IGF1R: variants seen among roughly 807,000 people sequenced by gnomAD.
IGF1R encodes insulin like growth factor 1 receptor.
Under a neutral mutation model 144.6 loss-of-function variants are expected in IGF1R, and 44 were observed. The ratio of observed to expected loss-of-function variants is 0.30; its 90% CI spans 0.24 to 0.39. The LOEUF is 0.39. IGF1R is among the 10% of genes least tolerant of loss of function. The pLI is 1.00. For synonymous variants in IGF1R, 795 were observed against 722.8 expected (o/e 1.10, Z -1.60); for missense variants, 1,355 against 1,833.7 (o/e 0.74, Z 4.77).
intron 2 of IGF1R, among the ~76,000 whole-genome samples, chr15:98,751,681 G>A (rs576933380): frequency 2.8e-4 from 43 of 152,248 alleles, no homozygotes; most frequent in East Asian, 7.7e-4. Flanking sequence ...TAGGATTTCT[G>A]TGGAAAGGTA....
At chr15:98,892,813 C>G (rs1474531166) in intron 3 of IGF1R, among the ~76,000 whole-genome samples, 2 of 151,720 alleles carry the variant, frequency 1.3e-5, no homozygotes, top group Non-Finnish European at 2.9e-5. Flanking sequence ...GCCATGGGTT[C>G]AAGACCAGCC....
intron 4 of IGF1R, among the ~76,000 whole-genome samples, chr15:98,899,129 C>T (rs1162735605): frequency 1.3e-5 from 2 of 152,230 alleles, no homozygotes; most frequent in Admixed American, 1.3e-4. Context: ...GGGGGCCATA[C>T]TGTCTGTTGA....
intron 1 of IGF1R, among the ~76,000 whole-genome samples, chr15:98,668,633 A>G (rs1359358677): frequency 2.0e-5 from 3 of 152,186 alleles, no homozygotes; most frequent in African/African-American, 7.2e-5. Flanking sequence ...TAAGTTGCTT[A>G]TTTTAAACTC....
At chr15:98,819,551 C>G (rs1406806019) in intron 2 of IGF1R, among the ~76,000 whole-genome samples, 1 of 152,106 alleles carries the variant, frequency 6.6e-6, no homozygotes, top group Non-Finnish European at 1.5e-5. Context: ...TGATCTTGGA[C>G]TTCCCAGACT....
chr15:98,946,034 G>A (rs1043043051), intron 19 of IGF1R, among the ~76,000 whole-genome samples: 13 of 151,890 alleles, frequency 8.6e-5, no homozygotes, highest in South Asian at 2.1e-4. Flanking sequence ...CGATGACGAC[G>A]ATGACAGCGT....
At chr15:98,719,753 T>G (rs2054203701) in intron 2 of IGF1R, among the ~76,000 whole-genome samples, 1 of 152,286 alleles carries the variant, frequency 6.6e-6, no homozygotes, top group Middle Eastern at 3.4e-3. Context: ...CTCCCTGAAC[T>G]TCGTGTTCAG....
chr15:98,811,296 A>G (rs12442776), intron 2 of IGF1R, among the ~76,000 whole-genome samples: 138,174 of 150,396 alleles, frequency 0.92, 63,961 homozygotes, highest in Middle Eastern at 0.98. Flanking sequence ...TGAGACGGGC[A>G]GATCACAAGG....
rs1385351221 is a variant in IGF1R at position 98,957,632 on chromosome 15, T to C, written c.*190T>C. 8 of 677,040 alleles carry C rather than the reference T, an allele frequency of 1.2e-5. No homozygotes were observed. Among genetic ancestry groups the C allele is most frequent in the Middle Eastern group, 4.1e-4 (1 of 2,424 alleles). The allele number at this position is 677,040 out of a possible 1,614,324, so 41.9% of individuals were successfully genotyped here. On this transcript the variant is annotated 3_prime_UTR_variant, in exon 21 of 21. Coordinates refer to ENST00000650285, the MANE Select transcript of IGF1R (RefSeq NM_000875.5). ...ATTTGGGATGTTCCTTTTTTCAATA[T>C]GCAAGCAGCTTTTTATTCCCTGCCC...
chr15:98,750,272 T>C (rs991382879), intron 2 of IGF1R, among the ~76,000 whole-genome samples: 1 of 152,100 alleles, frequency 6.6e-6, no homozygotes, highest in African/African-American at 2.4e-5. Context: ...CTGGGCAGTT[T>C]TGCGCTTCTC....
At chr15:98,726,806 G>T (rs550494646) in intron 2 of IGF1R, among the ~76,000 whole-genome samples, 7 of 140,992 alleles carry the variant, frequency 5.0e-5, no homozygotes, top group African/African-American at 1.9e-4. Context: ...TGCAACTTCC[G>T]CCTCCCGGGT....
At chr15:98,928,723 A>G (rs1490887278) in intron 13 of IGF1R, among the ~76,000 whole-genome samples, 1 of 152,048 alleles carries the variant, frequency 6.6e-6, no homozygotes, top group African/African-American at 2.4e-5. Context: ...TTGTCATGCT[A>G]CCTGTTGACA....
intron 2 of IGF1R, among the ~76,000 whole-genome samples, chr15:98,784,182 C>T (rs2055931127): frequency 6.6e-6 from 1 of 151,796 alleles, no homozygotes; most frequent in African/African-American, 2.4e-5. Flanking sequence ...ACCGTGTTGA[C>T]CAGGCTGGTT....
intron 6 of IGF1R, among the ~76,000 whole-genome samples, chr15:98,909,152 A>C (rs1236684436): frequency 6.6e-6 from 1 of 152,174 alleles, no homozygotes; most frequent in East Asian, 1.9e-4. Context: ...GTAGGTTCTC[A>C]AACTTTAAAG....
intron 2 of IGF1R, among the ~76,000 whole-genome samples, chr15:98,848,244 CAT>C (rs2011410729): frequency 6.6e-6 from 1 of 152,216 alleles, no homozygotes; most frequent in African/African-American, 2.4e-5. Context: ...ATCTTTCAAA[CAT>C]ATGGCTGTGG....
chr15:98,774,572 T>C (rs1046690158), intron 2 of IGF1R, among the ~76,000 whole-genome samples: 27 of 152,310 alleles, frequency 1.8e-4, no homozygotes, highest in African/African-American at 6.5e-4. Context: ...GAGGACATTA[T>C]GCCAGGTGAA....
chr15:98,663,591 G>A (rs941118559), intron 1 of IGF1R, among the ~76,000 whole-genome samples: 1 of 152,236 alleles, frequency 6.6e-6, no homozygotes, highest in Non-Finnish European at 1.5e-5. Flanking sequence ...TTTCAGGTGA[G>A]CGCTGTTGTT....
At chr15:98,938,478 C>T (rs1321532129) in intron 17 of IGF1R, among the ~76,000 whole-genome samples, 1 of 152,116 alleles carries the variant, frequency 6.6e-6, no homozygotes, top group African/African-American at 2.4e-5. Flanking sequence ...AAGGGTAATT[C>T]TTTTTAATTC....
At chr15:98,914,289 A>C (rs1356653146) in intron 8 of IGF1R, among the ~76,000 whole-genome samples, 2 of 152,072 alleles carry the variant, frequency 1.3e-5, no homozygotes, top group Non-Finnish European at 2.9e-5. Context: ...ACAGGCATTC[A>C]CTCTATAGCA....
At position 98,916,694 on chromosome 15, in the gene IGF1R, T is replaced by C. The variant is rs752872057; in HGVS notation, c.2019T>C (p.Tyr673=). 1.9e-5 allele frequency: 30 copies of C among 1,614,032 alleles called. No individual in the cohort carries two copies. Among genetic ancestry groups the C allele is most frequent in the Non-Finnish European group, 2.5e-5 (30 of 1,180,024 alleles). Residue 673 remains tyrosine, a synonymous_variant, in exon 10 of 21, where the codon TAT becomes TAC. Coordinates refer to ENST00000650285, the MANE Select transcript of IGF1R (RefSeq NM_000875.5). The stretch of plus-strand genomic sequence containing the variant: ...AAGACAAAATCCCCATCAGGAAGTA[T>C]GCCGACGGCACCATCGACATTGAGG... ...CSKDKIPIRK[Y]ADGTIDIEEV...
Sources: allele counts gnomAD v4.1 joint callset (sites outside exome capture counted in the v4.1 genomes callset), GRCh38; gene constraint gnomAD v4.1.1; transcripts MANE v1.5; gene names NCBI Gene and HGNC (gene_info 2026-07-23, HGNC 2026-07-21).